DCTN5: variants seen among roughly 807,000 people sequenced by gnomAD.
DCTN5 encodes the protein dynactin 4.
In DCTN5, 14 loss-of-function variants were observed where a neutral mutation model predicts 23.5. The observed-to-expected ratio is 0.60, with a 90% confidence interval of 0.39 to 0.93. DCTN5 has a LOEUF of 0.93. Ranked by LOEUF, DCTN5 falls within the 40% of genes least tolerant of loss-of-function variation. The pLI is 0.00. For missense variants in DCTN5, 156 were observed against 225.9 expected (o/e 0.69, Z 1.98); for synonymous variants, 67 against 79.6 (o/e 0.84, Z 0.84).
rs1968051234 is a variant in DCTN5 at position 23,673,866 on chromosome 16, A to T, written c.*6722A>T. 6.6e-6 allele frequency: 1 copy of T among 152,248 alleles called. No homozygotes were observed. The highest frequency in any genetic ancestry group is 2.4e-5 in the African/African-American group (1 of 41,464). 9.4% of individuals were successfully genotyped at this position (152,248 alleles called of 1,614,324 possible). ...CTGTTTGGAAAATGAAAATACAGTT[A>T]AATTGCTAATGAACCCTTGTCAAAA... On this transcript the variant is annotated 3_prime_UTR_variant, in exon 6 of 6. Transcript: ENST00000300087.
chr16:23,651,534 A>G (rs1000145194), intron 2 of DCTN5, among the ~76,000 whole-genome samples: 10 of 152,244 alleles, frequency 6.6e-5, no homozygotes, highest in Non-Finnish European at 1.2e-4. Context: ...TTAAAACACA[A>G]TAAAACAACC....
intron 2 of DCTN5, among the ~76,000 whole-genome samples, chr16:23,649,382 G>A (rs1967548544): frequency 6.6e-6 from 1 of 152,100 alleles, no homozygotes; most frequent in Non-Finnish European, 1.5e-5. Flanking sequence ...TTCCTATGCT[G>A]TGCAGGATCA....
chr16:23,646,860 A>C (rs1967472286), intron 2 of DCTN5, among the ~76,000 whole-genome samples: 1 of 152,146 alleles, frequency 6.6e-6, no homozygotes, highest in African/African-American at 2.4e-5. Flanking sequence ...ACAGGCGTGA[A>C]CCACTGTACC....
rs1173027886 is a variant in DCTN5, at chr16:23,675,444, G to A, written c.*8300G>A. 1 of 150,352 alleles carries A rather than the reference G, an allele frequency of 6.7e-6. No homozygotes were observed. Among genetic ancestry groups the A allele is most frequent in the African/African-American group, 2.5e-5 (1 of 40,698 alleles). The allele number at this position is 150,352 out of a possible 1,614,324, so 9.3% of individuals were successfully genotyped here. A position where few individuals can be genotyped will look rare whatever the true frequency, so the allele number is the denominator to read the frequency against. The stretch of plus-strand genomic sequence containing the variant: ...GAGCCCAGGAGGCGGAGGTTGCAGT[G>A]AGCCAAAATCGTGCCACCGCACTCT... On this transcript the variant is annotated 3_prime_UTR_variant, in exon 6 of 6. Coordinates refer to ENST00000300087, the MANE Select transcript of DCTN5 (RefSeq NM_032486.4).
At chr16:23,645,417 G>A (rs140441993) in intron 2 of DCTN5, among the ~76,000 whole-genome samples, 5 of 151,706 alleles carry the variant, frequency 3.3e-5, no homozygotes, top group East Asian at 1.9e-4. Context: ...GAGCCACTGC[G>A]CCCAGCCTTA....
intron 5 of DCTN5, 72 bp downstream of exon 5, chr16:23,665,800 T>C (rs1967895469): frequency 3.2e-6 from 4 of 1,239,528 alleles, no homozygotes; most frequent in Non-Finnish European, 4.7e-6. Flanking sequence ...GCAAAAGTAA[T>C]GCTTACGATT....
chr16:23,657,126 A>T (rs952914998), intron 2 of DCTN5, among the ~76,000 whole-genome samples: 4 of 152,116 alleles, frequency 2.6e-5, no homozygotes, highest in African/African-American at 9.7e-5. Context: ...TAGTAGTAAT[A>T]ATACGGAAAT....
At chr16:23,652,984 T>TA (rs1567230968) in intron 2 of DCTN5, among the ~76,000 whole-genome samples, 2 of 151,462 alleles carry the variant, frequency 1.3e-5, no homozygotes, top group African/African-American at 2.4e-5. Flanking sequence ...TCTCTACAAA[T>TA]AAAAAAAATT....
Position 23,641,498 on chromosome 16 carries a change from A to G in DCTN5, c.-45A>G, listed in dbSNP as rs1205990155. ...GCCGGAATCTCTGAAAGACTGACCG[A>G]CTGACTCTGACAGGATCCGGGGCTG... On this transcript the variant is annotated 5_prime_UTR_variant, in exon 1 of 6. Coordinates refer to ENST00000300087, the MANE Select transcript of DCTN5 (RefSeq NM_032486.4). 2 of 1,612,712 alleles carry G rather than the reference A, an allele frequency of 1.2e-6. No homozygotes were observed. Among genetic ancestry groups the G allele is most frequent in the Non-Finnish European group, 8.5e-7 (1 of 1,179,166 alleles).
rs1968019932 is a variant in DCTN5, at chr16:23,672,278, C to G, written c.*5134C>G. 6.6e-6 allele frequency: 1 copy of G among 152,180 alleles called. No individual in the cohort carries two copies. Among genetic ancestry groups the G allele is most frequent in the African/African-American group, 2.4e-5 (1 of 41,442 alleles). 9.4% of individuals were successfully genotyped at this position (152,180 alleles called of 1,614,324 possible). On this transcript the variant is annotated 3_prime_UTR_variant, in exon 6 of 6. Transcript: ENST00000300087. ...TGTACTATTTGGAGTGCTGTCCTTG[C>G]AGAATCTCATTATAAGAACCTTAGG... is the stretch of plus-strand genomic sequence containing the variant.
At position 23,669,059 on chromosome 16, in the gene DCTN5, T is replaced by C. The variant is rs1015405570; in HGVS notation, c.*1915T>C. On this transcript the variant is annotated 3_prime_UTR_variant, in exon 6 of 6. Coordinates refer to ENST00000300087, the MANE Select transcript of DCTN5 (RefSeq NM_032486.4). ...ATGTGTTGACAGTCGTGAGTGTGTATCCTAGGAAAGGCGAGCTGGACTCTG... is the reference window on the plus strand; with the variant it reads ...ATGTGTTGACAGTCGTGAGTGTGTACCCTAGGAAAGGCGAGCTGGACTCTG... 3 of 152,762 alleles carry C rather than the reference T, an allele frequency of 2.0e-5. No individual in the cohort carries two copies. In the East Asian group the frequency reaches 5.8e-4, roughly 29 times the overall value. The allele number at this position is 152,762 out of a possible 1,614,324, so 9.5% of individuals were successfully genotyped here. A position where few individuals can be genotyped will look rare whatever the true frequency, so the allele number is the denominator to read the frequency against.
At chr16:23,645,340 G>A (rs1459306656) in intron 2 of DCTN5, among the ~76,000 whole-genome samples, 2 of 150,774 alleles carry the variant, frequency 1.3e-5, no homozygotes, top group Non-Finnish European at 3.0e-5. Flanking sequence ...GATCAGGCTG[G>A]TCTCGAACTC....
chr16:23,651,277 G>A, intron 2 of DCTN5: 1 of 843,468 alleles, frequency 1.2e-6, no homozygotes, highest in East Asian at 1.2e-4. Context: ...TTCTCTGAAG[G>A]GCAGCCACCT....
chr16:23,666,070 C>T, intron 5 of DCTN5: 1 of 230,584 alleles, frequency 4.3e-6, no homozygotes, highest in South Asian at 7.5e-5. Flanking sequence ...CTTGGATCCA[C>T]ACATGGCAGA....
chr16:23,676,321 C>T lies in DCTN5; in HGVS notation c.*9177C>T, dbSNP rs767369128. ...GTCAGGAGTTTGAGACCAGCCTGAC[C>T]GACATGGTGAAAAGTAAAAATACAA... is the stretch of plus-strand genomic sequence containing the variant. On this transcript the variant is annotated 3_prime_UTR_variant, in exon 6 of 6. Coordinates refer to ENST00000300087, the MANE Select transcript of DCTN5 (RefSeq NM_032486.4). 26 of 151,998 alleles carry T rather than the reference C, an allele frequency of 1.7e-4. No homozygotes were observed. The highest frequency in any genetic ancestry group is 4.6e-4 in the African/African-American group (19 of 41,436). 9.4% of individuals were successfully genotyped at this position (151,998 alleles called of 1,614,324 possible). A position where few individuals can be genotyped will look rare whatever the true frequency, so the allele number is the denominator to read the frequency against.
At chr16:23,661,089 T>C in intron 3 of DCTN5, 81 bp from the exon 4 acceptor site, 1 of 882,152 alleles carries the variant, frequency 1.1e-6, no homozygotes, top group Non-Finnish European at 1.8e-6. Flanking sequence ...AAAGTTCAAA[T>C]TATGATCTGT....
In DCTN5 at chr16:23,646,855, C is replaced by T. The variant is rs567531945; in HGVS notation, c.117+3832C>T. ...CGTCCCAAAGTGCCGGGATTACAGG[C>T]GTGAACCACTGTACCCAGCTTGAGT... is the stretch of plus-strand genomic sequence containing the variant. On this transcript the variant is annotated intron_variant, in intron 2 of 5. Coordinates refer to ENST00000300087, the MANE Select transcript of DCTN5 (RefSeq NM_032486.4). Among the ~76,000 whole-genome samples, 7 of 152,212 alleles carry T rather than the reference C, an allele frequency of 4.6e-5. No homozygotes were observed. In the East Asian group the frequency reaches 1.2e-3, roughly 25 times the overall value.
intron 4 of DCTN5, among the ~76,000 whole-genome samples, 171 bp downstream of exon 4, chr16:23,661,452 C>T (rs1967809578): frequency 6.6e-6 from 1 of 152,160 alleles, no homozygotes; most frequent in African/African-American, 2.4e-5. Flanking sequence ...GGTGCGGTGG[C>T]TCATGCCTGT....
chr16:23,667,226 G>A lies in DCTN5; in HGVS notation c.*82G>A, dbSNP rs190467369. ...GTGAGCCAGTCAGCACCTACAAAGA[G>A]CTTTTGTGTCTTTGACATCTACCAC... On this transcript the variant is annotated 3_prime_UTR_variant, in exon 6 of 6. Coordinates refer to ENST00000300087, the MANE Select transcript of DCTN5 (RefSeq NM_032486.4). 8 of 1,557,810 alleles carry A rather than the reference G, an allele frequency of 5.1e-6. No homozygotes were observed. Among genetic ancestry groups the A allele is most frequent in the East Asian group, 2.3e-5 (1 of 44,046 alleles).
Sources: gnomAD v4.1 joint callset for allele counts (sites outside exome capture counted in the v4.1 genomes callset) on GRCh38, gnomAD v4.1.1 for gene constraint, MANE v1.5 for transcripts, NCBI Gene and HGNC (gene_info 2026-07-23, HGNC 2026-07-21) for gene names.